BBS9: variants seen among roughly 807,000 people sequenced by gnomAD.
BBS9 encodes protein PTHB1.
Under a neutral mutation model 117.7 loss-of-function variants are expected in BBS9, and 89 were observed. The observed-to-expected ratio is 0.76, with a 90% CI of 0.64 to 0.90. The LOEUF is 0.90. Among genes scored for constraint, BBS9 ranks in the 40% least tolerant of loss-of-function variants. The pLI is 0.00. For synonymous variants in BBS9, 379 were observed against 370.9 expected (o/e 1.02, Z -0.25); for missense variants, 982 against 1,042.2 (o/e 0.94, Z 0.80).
At position 33,382,612 on chromosome 7, in the gene BBS9, T is replaced by C. The variant is rs150756003; in HGVS notation, c.1790-1054T>C. Among the ~76,000 whole-genome samples the C allele has an allele frequency of 2.0e-5, 3 of 152,300 alleles. No homozygotes were observed. The East Asian group carries it at 5.8e-4, about 29-fold the overall frequency. On this transcript the variant is annotated intron_variant, in intron 17 of 22. Transcript: ENST00000242067. ...TATATAAATTCAGGAAGACACAATG[T>C]TATGAGGCAGTTAAGATTAATATCT...
At chr7:33,556,107 C>G (rs1444308159) in intron 21 of BBS9, among the ~76,000 whole-genome samples, 2 of 152,122 alleles carry the variant, frequency 1.3e-5, no homozygotes, top group African/African-American at 4.8e-5. Context: ...TAAGTGATTT[C>G]CTTGAGACAC....
chr7:33,435,280 A>G (rs1011708353), intron 19 of BBS9, among the ~76,000 whole-genome samples: 2 of 152,104 alleles, frequency 1.3e-5, no homozygotes, highest in African/African-American at 2.4e-5. Flanking sequence ...TATGTATAAA[A>G]TTTACTGGCT....
At chr7:33,403,381 T>C (rs1829294538) in intron 19 of BBS9, among the ~76,000 whole-genome samples, 1 of 151,358 alleles carries the variant, frequency 6.6e-6, no homozygotes. Flanking sequence ...TAGTTACATA[T>C]GTATACATGT....
Position 33,157,473 on chromosome 7 carries a change from T to C in BBS9, c.328+1771T>C, listed in dbSNP as rs74497145. On this transcript the variant is annotated intron_variant, in intron 4 of 22. Coordinates refer to ENST00000242067, the MANE Select transcript of BBS9 (RefSeq NM_198428.3). ...GCCCCACCTCACTTCCCTTCTGTCT[T>C]TCATTTCTTCAGCCTCTTGTGATGT... 3.0e-4 allele frequency among the ~76,000 whole-genome samples: 46 copies of C among 152,320 alleles called. 1 individual carries two copies. The East Asian group carries it at 8.9e-3, about 29-fold the overall frequency.
chr7:33,264,185 G>C, intron 6 of BBS9, 105 bp from the exon 7 acceptor site: 1 of 524,084 alleles, frequency 1.9e-6, no homozygotes, highest in Non-Finnish European at 3.0e-6. Flanking sequence ...CTAGGAAAAA[G>C]TGCTTTATAA....
At chr7:33,190,684 T>G (rs1783980341) in intron 5 of BBS9, among the ~76,000 whole-genome samples, 1 of 152,204 alleles carries the variant, frequency 6.6e-6, no homozygotes, top group African/African-American at 2.4e-5. Context: ...CTAGTCCATG[T>G]AAAAGAGGTT....
intron 19 of BBS9, among the ~76,000 whole-genome samples, chr7:33,447,022 A>C (rs1448336296): frequency 6.6e-6 from 1 of 152,228 alleles, no homozygotes; most frequent in East Asian, 1.9e-4. Context: ...TTTATATGAT[A>C]ATCAAAGAAG....
rs139481986 is a variant in BBS9 at position 33,245,262 on chromosome 7, C to T, written c.443-11974C>T. 1.9e-3 allele frequency among the ~76,000 whole-genome samples: 291 copies of T among 151,790 alleles called. 2 individuals are homozygous for T. The highest frequency in any genetic ancestry group is 6.4e-3 in the African/African-American group (266 of 41,398). On this transcript the variant is annotated intron_variant, in intron 5 of 22. Coordinates refer to ENST00000242067, the MANE Select transcript of BBS9 (RefSeq NM_198428.3). The stretch of plus-strand genomic sequence containing the variant: ...TTCCTATATTTTTTATATTGTCTTT[C>T]CAGTAGGCTTTATCTCTTTATTTTA...
chr7:33,219,050 G>A (rs922864431), intron 5 of BBS9, among the ~76,000 whole-genome samples: 3 of 152,330 alleles, frequency 2.0e-5, no homozygotes, highest in African/African-American at 4.8e-5. Context: ...GTGTGGGCTT[G>A]GCGGGCCCCG....
chr7:33,437,933 G>A (rs1049266456), intron 19 of BBS9, among the ~76,000 whole-genome samples: 8 of 152,088 alleles, frequency 5.3e-5, no homozygotes. Context: ...AACAGCTTTT[G>A]CAACTTTTTC....
At chr7:33,603,807 G>A (rs6967284) in intron 21 of BBS9, among the ~76,000 whole-genome samples, 4,725 of 152,206 alleles carry the variant, frequency 0.031, 240 homozygotes, top group African/African-American at 0.11. Context: ...GTGGAAATGT[G>A]TTTCTCTCAT....
chr7:33,313,013 T>C (rs1187676693), intron 9 of BBS9, among the ~76,000 whole-genome samples: 1 of 151,034 alleles, frequency 6.6e-6, no homozygotes, highest in Non-Finnish European at 1.5e-5. Context: ...AAAATACTTT[T>C]CTATAAATGT....
intron 19 of BBS9, among the ~76,000 whole-genome samples, chr7:33,450,150 AT>A (rs1401978993): frequency 6.6e-6 from 1 of 152,104 alleles, no homozygotes; most frequent in African/African-American, 2.4e-5. Context: ...TGACTGGTTT[AT>A]TTCTCTTAGC....
At chr7:33,199,320 A>G (rs928731384) in intron 5 of BBS9, among the ~76,000 whole-genome samples, 1 of 151,942 alleles carries the variant, frequency 6.6e-6, no homozygotes, top group Non-Finnish European at 1.5e-5. Flanking sequence ...TATTGGGCCT[A>G]ATGGGTTACT....
At chr7:33,596,792 C>T (rs1469312357) in intron 21 of BBS9, among the ~76,000 whole-genome samples, 1 of 152,024 alleles carries the variant, frequency 6.6e-6, no homozygotes, top group Non-Finnish European at 1.5e-5. Context: ...TCCATTCTCT[C>T]TCCTCCCCTT....
intron 21 of BBS9, among the ~76,000 whole-genome samples, chr7:33,635,090 T>C (rs1400970045): frequency 6.6e-6 from 1 of 152,192 alleles, no homozygotes; most frequent in Admixed American, 6.5e-5. Flanking sequence ...TGCTGCGATC[T>C]GTGTGAGGGA....
At chr7:33,279,272 C>A (rs1031560604) in intron 9 of BBS9, among the ~76,000 whole-genome samples, 2 of 152,128 alleles carry the variant, frequency 1.3e-5, no homozygotes, top group African/African-American at 4.8e-5. Flanking sequence ...GATGAGGACT[C>A]ACCATGTTGC....
At chr7:33,428,030 G>A (rs1021031862) in intron 19 of BBS9, among the ~76,000 whole-genome samples, 2 of 152,046 alleles carry the variant, frequency 1.3e-5, no homozygotes, top group African/African-American at 4.8e-5. Flanking sequence ...CCCCTCCACC[G>A]TCTGCCAAAT....
chr7:33,280,422 T>C (rs1584061936), intron 9 of BBS9, among the ~76,000 whole-genome samples: 1 of 39,426 alleles, frequency 2.5e-5, no homozygotes, highest in Non-Finnish European at 6.5e-5. Flanking sequence ...TTCATTGATC[T>C]AATATTGTTG....
Sources: allele counts gnomAD v4.1 joint callset (sites outside exome capture counted in the v4.1 genomes callset), GRCh38; gene constraint gnomAD v4.1.1; transcripts MANE v1.5; gene names NCBI Gene and HGNC (gene_info 2026-07-23, HGNC 2026-07-21).